NCKAP5: variants seen among roughly 807,000 people sequenced by gnomAD.
NCKAP5 encodes nck-associated protein 5.
In NCKAP5, 92 loss-of-function variants were observed where a neutral mutation model predicts 167.0. That is an observed-to-expected ratio of 0.55 (90% CI 0.47 to 0.66). The LOEUF is 0.66. NCKAP5 is among the 30% of genes least tolerant of loss of function. NCKAP5 has a pLI of 0.00. For missense variants in NCKAP5, 2,378 were observed against 2,315.0 expected (o/e 1.03, Z -0.56); for synonymous variants, 891 against 877.4 (o/e 1.02, Z -0.27).
intron 3 of NCKAP5, among the ~76,000 whole-genome samples, chr2:133,515,787 T>C (rs1176391536): frequency 6.6e-6 from 1 of 152,262 alleles, no homozygotes; most frequent in Non-Finnish European, 1.5e-5. Flanking sequence ...CATTGGGGGT[T>C]ACTCACGTCC....
At chr2:133,435,482 C>G (rs751465682) in intron 3 of NCKAP5, among the ~76,000 whole-genome samples, 5 of 152,196 alleles carry the variant, frequency 3.3e-5, no homozygotes, top group Non-Finnish European at 5.9e-5. Flanking sequence ...CAGACTGGCT[C>G]TACCAGGTTG....
intron 11 of NCKAP5, among the ~76,000 whole-genome samples, chr2:132,842,194 C>T (rs111352050): frequency 1.3e-5 from 2 of 152,120 alleles, no homozygotes; most frequent in African/African-American, 2.4e-5. Context: ...TTTTGCTAGG[C>T]AATAATTTAT....
chr2:133,496,496 G>A (rs1681962866), intron 3 of NCKAP5, among the ~76,000 whole-genome samples: 1 of 152,082 alleles, frequency 6.6e-6, no homozygotes, highest in Non-Finnish European at 1.5e-5. Flanking sequence ...ATAAAACTTA[G>A]GACTGTACCA....
At chr2:133,538,949 T>TA (rs1685991274) in intron 2 of NCKAP5, among the ~76,000 whole-genome samples, 1 of 139,344 alleles carries the variant, frequency 7.2e-6, no homozygotes, top group African/African-American at 2.7e-5. Flanking sequence ...TTTTTTTTTT[T>TA]TTTTTTTTTG....
Position 133,200,323 on chromosome 2 carries a change from G to A in NCKAP5, c.207+13393C>T, listed in dbSNP as rs563162247. Among the ~76,000 whole-genome samples the A allele has an allele frequency of 9.6e-4, 146 of 151,906 alleles. 2 individuals are homozygous for A. Among genetic ancestry groups the A allele is most frequent in the Middle Eastern group, 6.8e-3 (2 of 294 alleles). On this transcript the variant is annotated intron_variant, in intron 5 of 19. Coordinates refer to ENST00000409261, the MANE Select transcript of NCKAP5 (RefSeq NM_207363.3). ...TCAAAGTTCAGAAACAAACCTTCACGTTCATGTTAACTGATTTTTAAAAAG... is the reference window on the plus strand; with the variant it reads ...TCAAAGTTCAGAAACAAACCTTCACATTCATGTTAACTGATTTTTAAAAAG...
chr2:133,350,942 A>G (rs1462982270), intron 3 of NCKAP5, among the ~76,000 whole-genome samples: 2 of 152,048 alleles, frequency 1.3e-5, no homozygotes, highest in East Asian at 3.9e-4. Context: ...GCTCAGAGAA[A>G]TCTTCCACAG....
At chr2:133,171,121 A>G (rs1397537689) in intron 5 of NCKAP5, among the ~76,000 whole-genome samples, 2 of 152,216 alleles carry the variant, frequency 1.3e-5, no homozygotes, top group Non-Finnish European at 2.9e-5. Context: ...GTAGAGAGAT[A>G]AAGGGAGCAT....
chr2:133,332,190 G>A (rs1345485598), intron 3 of NCKAP5, among the ~76,000 whole-genome samples: 5 of 152,016 alleles, frequency 3.3e-5, no homozygotes, highest in Non-Finnish European at 5.9e-5. Context: ...GACAAAATGG[G>A]CCCAATATAA....
chr2:132,770,193 T>C (rs1681904775), intron 16 of NCKAP5, among the ~76,000 whole-genome samples: 1 of 152,062 alleles, frequency 6.6e-6, no homozygotes, highest in Non-Finnish European at 1.5e-5. Context: ...GATAAAACTT[T>C]GCCTGAGTTC....
At chr2:132,991,727 G>A (rs2077453473) in intron 7 of NCKAP5, among the ~76,000 whole-genome samples, 1 of 152,050 alleles carries the variant, frequency 6.6e-6, no homozygotes, top group Non-Finnish European at 1.5e-5. Context: ...GCTTTACGTG[G>A]GCCTCTGGCT....
intron 6 of NCKAP5, among the ~76,000 whole-genome samples, chr2:133,020,652 T>C (rs1346614140): frequency 1.3e-5 from 2 of 152,228 alleles, no homozygotes; most frequent in East Asian, 1.9e-4. Context: ...CATTCTGTCC[T>C]TTAAGGACTA....
intron 19 of NCKAP5, among the ~76,000 whole-genome samples, chr2:132,695,392 G>A (rs1208118486): frequency 6.6e-6 from 1 of 152,140 alleles, no homozygotes; most frequent in Non-Finnish European, 1.5e-5. Context: ...TCCACGATGG[G>A]AAAAGCAATC....
At chr2:132,681,346 CT>C (rs772868601) in intron 19 of NCKAP5, among the ~76,000 whole-genome samples, 2,519 of 140,508 alleles carry the variant, frequency 0.018, 43 homozygotes, top group African/African-American at 0.048. Flanking sequence ...ACTGATTAGC[CT>C]TTTTTTTTTT....
chr2:132,793,419 C>T (rs1684232020), intron 12 of NCKAP5, among the ~76,000 whole-genome samples: 1 of 152,220 alleles, frequency 6.6e-6, no homozygotes, highest in Non-Finnish European at 1.5e-5. Flanking sequence ...TCCTCTAAGA[C>T]AGGCTTTTCA....
At chr2:133,662,975 A>G in the NCKAP5 span, among the ~76,000 whole-genome samples, 1 of 152,230 alleles carries the variant, frequency 6.6e-6, no homozygotes, top group East Asian at 2.0e-4. Flanking sequence ...TTGCTTAAAA[A>G]AAATGCCGGG....
chr2:132,701,280 C>A (rs561699384), intron 19 of NCKAP5, among the ~76,000 whole-genome samples: 1 of 151,942 alleles, frequency 6.6e-6, no homozygotes, highest in African/African-American at 2.4e-5. Context: ...GTAATGAGGG[C>A]GGGATAAGAG....
chr2:133,278,929 A>G (rs953757296), intron 4 of NCKAP5, among the ~76,000 whole-genome samples: 2 of 152,190 alleles, frequency 1.3e-5, no homozygotes, highest in Non-Finnish European at 2.9e-5. Flanking sequence ...CTCACTCTTA[A>G]CTAGAGAAAT....
intron 4 of NCKAP5, among the ~76,000 whole-genome samples, chr2:133,216,169 C>G (rs567817935): frequency 6.6e-6 from 1 of 152,114 alleles, no homozygotes; most frequent in African/African-American, 2.4e-5. Context: ...AAATCTGTAT[C>G]AAATAAATCT....
chr2:133,278,882 C>G (rs959033811), intron 4 of NCKAP5, among the ~76,000 whole-genome samples: 1 of 151,316 alleles, frequency 6.6e-6, no homozygotes, highest in Admixed American at 6.6e-5. Flanking sequence ...CAAAACGACA[C>G]GCAAGTGGCC....
Sources: gnomAD v4.1 joint callset for allele counts (sites outside exome capture counted in the v4.1 genomes callset) on GRCh38, gnomAD v4.1.1 for gene constraint, MANE v1.5 for transcripts, NCBI Gene and HGNC (gene_info 2026-07-23, HGNC 2026-07-21) for gene names.